CGNL1: variants seen among roughly 807,000 people sequenced by gnomAD.
CGNL1 encodes cingulin like 1.
In CGNL1, 132 loss-of-function variants were observed where a neutral mutation model predicts 141.2. The observed-to-expected ratio is 0.93, with a 90% CI of 0.81 to 1.08. The LOEUF (loss-of-function observed/expected upper bound fraction) is 1.08, where lower values mean the gene tolerates loss of function less well. Among genes scored for constraint, CGNL1 ranks in the 50% least tolerant of loss-of-function variants. The probability of loss-of-function intolerance (pLI) is 0.00; values close to 1 mark genes in which losing one functional copy is unlikely to be tolerated. For synonymous variants in CGNL1, 690 were observed against 622.1 expected (o/e 1.11, Z -1.63); for missense variants, 1,870 against 1,588.6 (o/e 1.18, Z -3.01).
intron 1 of CGNL1, among the ~76,000 whole-genome samples, chr15:57,387,570 C>G (rs1008089578): frequency 1.3e-5 from 2 of 152,068 alleles, no homozygotes; most frequent in Non-Finnish European, 2.9e-5. Context: ...ACATAGGGGC[C>G]CTGAGTGGTG....
chr15:57,461,561 A>C, intron 7 of CGNL1, 119 bp from the exon 8 acceptor site: 1 of 787,302 alleles, frequency 1.3e-6, no homozygotes. Flanking sequence ...GTGGAAGGAG[A>C]GAGTGGCAAG....
In CGNL1 at chr15:57,447,927, T is replaced by C. The variant is rs1183631445; in HGVS notation, c.1804-3573T>C. ...TCATTAGTCTTGTTTTCTGGCTACG[T>C]CAATCTTACTTTAAGACTTTCTCTT... is the stretch of plus-strand genomic sequence containing the variant. On this transcript the variant is annotated intron_variant, in intron 4 of 18. Transcript: ENST00000281282. Among the ~76,000 whole-genome samples, 5 of 152,104 alleles carry C rather than the reference T, an allele frequency of 3.3e-5. No homozygotes were observed. In the East Asian group the frequency reaches 9.6e-4, roughly 29 times the overall value.
intron 8 of CGNL1, among the ~76,000 whole-genome samples, chr15:57,500,095 T>G (rs1436001046): frequency 6.6e-6 from 1 of 152,110 alleles, no homozygotes; most frequent in African/African-American, 2.4e-5. Flanking sequence ...GATGAGAACC[T>G]GGGTGTGGGG....
chr15:57,502,839 T>C (rs1484078289), intron 8 of CGNL1, among the ~76,000 whole-genome samples: 1 of 152,190 alleles, frequency 6.6e-6, no homozygotes, highest in East Asian at 1.9e-4. Flanking sequence ...TCTGACATTT[T>C]ATAGTCATGG....
rs538069038 is a variant in CGNL1, at chr15:57,445,088, C to G, written c.1803+2610C>G. 2.3e-3 allele frequency among the ~76,000 whole-genome samples: 353 copies of G among 152,022 alleles called. 4 individuals are homozygous for G. Among genetic ancestry groups the G allele is most frequent in the Middle Eastern group, 3.4e-3 (1 of 294 alleles). ...ACCAGCCTGGGCAATGTAGTGAGAC[C>G]CTGTCTCTAGAAAAATTAAAAAATT... On this transcript the variant is annotated intron_variant, in intron 4 of 18. Transcript: ENST00000281282.
At chr15:57,407,234 T>C (rs188420376) in intron 1 of CGNL1, 1 of 152,364 alleles carries the variant, frequency 6.6e-6, no homozygotes, top group East Asian at 1.9e-4. Context: ...AACCTGATGT[T>C]TGGACACCTT....
rs1257019180 is a variant in CGNL1 at position 57,528,832 on chromosome 15, G to T, written c.3201+17G>T. 1.2e-6 allele frequency: 2 copies of T among 1,611,852 alleles called. No individual in the cohort carries two copies. Among genetic ancestry groups the T allele is most frequent in the South Asian group, 1.1e-5 (1 of 90,904 alleles). On this transcript the variant is annotated intron_variant, in intron 13 of 18. Coordinates refer to ENST00000281282, the MANE Select transcript of CGNL1 (RefSeq NM_032866.5). ...CAGATGGAGGTCTGTGGGCCGTACA[G>T]TGTGAGCTGGGGGACCTGCAGAGAG...
At chr15:57,376,887 C>T (rs2062369479) in intron 1 of CGNL1, 1 of 152,374 alleles carries the variant, frequency 6.6e-6, no homozygotes, top group Non-Finnish European at 1.5e-5. Context: ...GACTTTCTGC[C>T]TTCGCACCCC....
intron 16 of CGNL1, among the ~76,000 whole-genome samples, chr15:57,545,057 C>T (rs1045453325): frequency 6.6e-6 from 1 of 152,150 alleles, no homozygotes; most frequent in South Asian, 2.1e-4. Context: ...GACATGGGAT[C>T]AAGTGAGCAC....
At chr15:57,539,820 T>C (rs1383127058) in intron 14 of CGNL1, among the ~76,000 whole-genome samples, 1 of 152,214 alleles carries the variant, frequency 6.6e-6, no homozygotes, top group Non-Finnish European at 1.5e-5. Context: ...TGCTCCTTGG[T>C]GGGCTCACCT....
At chr15:57,515,665 A>G (rs2030713811) in intron 8 of CGNL1, among the ~76,000 whole-genome samples, 1 of 152,200 alleles carries the variant, frequency 6.6e-6, no homozygotes, top group Non-Finnish European at 1.5e-5. Context: ...GCTAAACCGA[A>G]GAATACAAAG....
chr15:57,494,537 A>G (rs2063909869), intron 8 of CGNL1, among the ~76,000 whole-genome samples: 1 of 152,244 alleles, frequency 6.6e-6, no homozygotes, highest in Admixed American at 6.5e-5. Flanking sequence ...GCCATTAAAA[A>G]TAGAAGTAGA....
chr15:57,543,640 C>T, intron 14 of CGNL1, 56 bp from the exon 15 acceptor site: 1 of 1,480,798 alleles, frequency 6.8e-7, no homozygotes, highest in African/African-American at 1.4e-5. Context: ...CATTTCAGTA[C>T]AAAAGATACA....
intron 4 of CGNL1, among the ~76,000 whole-genome samples, chr15:57,446,880 T>G (rs2063259678): frequency 6.6e-6 from 1 of 152,202 alleles, no homozygotes; most frequent in Non-Finnish European, 1.5e-5. Flanking sequence ...TCTTTTCCAT[T>G]ACTTTGGTCT....
chr15:57,530,240 T>C (rs2031874032), intron 13 of CGNL1, among the ~76,000 whole-genome samples: 1 of 152,252 alleles, frequency 6.6e-6, no homozygotes, highest in Non-Finnish European at 1.5e-5. Context: ...TTTCCACTGC[T>C]ATATCCTGAC....
chr15:57,518,059 G>A (rs1435897174), intron 9 of CGNL1, among the ~76,000 whole-genome samples: 2 of 151,640 alleles, frequency 1.3e-5, no homozygotes, highest in Non-Finnish European at 1.5e-5. Flanking sequence ...CAGCTACTTG[G>A]GAGGCTGAGA....
At position 57,452,160 on chromosome 15, in the gene CGNL1, AAG is replaced by A. The variant is rs748218053; in HGVS notation, c.1936_1937del (p.Arg646AspfsTer30). On this transcript the variant is annotated frameshift_variant, in exon 6 of 19. Transcript: ENST00000281282. LOFTEE classifies it high-confidence loss of function. Reference sequence around the variant, plus strand: ...TGTTAGAATCAACAGAACATTAAAGAAGAGAGAGAGAGGATGAGAGCAAACCT... The same window carrying A: ...TGTTAGAATCAACAGAACATTAAAGAAGAGAGAGAGGATGAGAGCAAACCT... 2.7e-5 allele frequency: 44 copies of A among 1,607,478 alleles called. No individual in the cohort carries two copies. The highest frequency in any genetic ancestry group is 1.3e-4 in the Admixed American group (8 of 59,556).
rs764335268 is a variant in CGNL1, at chr15:57,518,512, C to T, written c.2715+15C>T. Reference sequence around the variant, plus strand: ...AGGCTGCTCAGGTAAACACCAAGGGCTGTTGTCATTACTCCCTCAAGAAGA... The same window carrying T: ...AGGCTGCTCAGGTAAACACCAAGGGTTGTTGTCATTACTCCCTCAAGAAGA... On this transcript the variant is annotated intron_variant, in intron 10 of 18. Coordinates refer to ENST00000281282, the MANE Select transcript of CGNL1 (RefSeq NM_032866.5). 1 of 1,555,564 alleles carries T rather than the reference C, an allele frequency of 6.4e-7. No homozygotes were observed. The highest frequency in any genetic ancestry group is 8.8e-7 in the Non-Finnish European group (1 of 1,133,048).
At chr15:57,448,611 G>A (rs2063285606) in intron 4 of CGNL1, among the ~76,000 whole-genome samples, 1 of 151,830 alleles carries the variant, frequency 6.6e-6, no homozygotes, top group Admixed American at 6.6e-5. Context: ...TCTGGCCAAT[G>A]CACTCCAGCC....
Sources: allele counts gnomAD v4.1 joint callset (sites outside exome capture counted in the v4.1 genomes callset), GRCh38; gene constraint gnomAD v4.1.1; transcripts MANE v1.5; gene names NCBI Gene and HGNC (gene_info 2026-07-23, HGNC 2026-07-21).